KPNA1: variants seen among roughly 807,000 people sequenced by gnomAD.
The protein encoded by KPNA1 is karyopherin subunit alpha 1, also known as importin subunit alpha-5.
Under a neutral mutation model 70.5 loss-of-function variants are expected in KPNA1, and 10 were observed. The observed-to-expected ratio is 0.14, with a 90% CI of 0.09 to 0.24. The LOEUF is 0.24. Ranked by LOEUF, KPNA1 falls within the 10% of genes least tolerant of loss-of-function variation. The pLI, the probability that KPNA1 is intolerant of heterozygous loss-of-function variation, is 1.00. For missense variants in KPNA1, 397 were observed against 637.9 expected, an observed-to-expected ratio of 0.62 and a Z score of 4.07; for synonymous variants, 192 against 221.9, an observed-to-expected ratio of 0.87 and a Z score of 1.20.
chr3:122,454,707 A>C (rs182869521), intron 5 of KPNA1, among the ~76,000 whole-genome samples: 19 of 152,298 alleles, frequency 1.2e-4, no homozygotes, highest in East Asian at 9.6e-4. Context: ...TCAAAGAATA[A>C]GAGCTTCCAA....
intron 2 of KPNA1, among the ~76,000 whole-genome samples, chr3:122,468,550 T>C (rs2076406850): frequency 6.6e-6 from 1 of 152,144 alleles, no homozygotes; most frequent in Admixed American, 6.5e-5. Flanking sequence ...TGTCCAGCTA[T>C]CAAGAAAAAA....
intron 2 of KPNA1, among the ~76,000 whole-genome samples, chr3:122,480,938 A>C (rs1472680493): frequency 6.6e-6 from 1 of 152,188 alleles, no homozygotes; most frequent in African/African-American, 2.4e-5. Flanking sequence ...GCAGTGAACC[A>C]TAATGGCACC....
chr3:122,489,556 C>T (rs1399956757), intron 2 of KPNA1, among the ~76,000 whole-genome samples: 1 of 152,196 alleles, frequency 6.6e-6, no homozygotes, highest in African/African-American at 2.4e-5. Flanking sequence ...AGGTGTGAAC[C>T]ACCATGCCTG....
At chr3:122,463,828 T>A in intron 4 of KPNA1, 114 bp downstream of exon 4, 1 of 508,150 alleles carries the variant, frequency 2.0e-6, no homozygotes, top group Non-Finnish European at 3.5e-6. Context: ...GTATTTTTAT[T>A]CTTTTATTGA....
chr3:122,477,052 A>C (rs1189917894), intron 2 of KPNA1, among the ~76,000 whole-genome samples: 2 of 152,082 alleles, frequency 1.3e-5, no homozygotes, highest in African/African-American at 4.8e-5. Flanking sequence ...AGATGAATGG[A>C]GCAAAAAAGT....
At chr3:122,493,870 C>A (rs865942929) in intron 2 of KPNA1, among the ~76,000 whole-genome samples, 8 of 152,162 alleles carry the variant, frequency 5.3e-5, no homozygotes, top group Admixed American at 2.0e-4. Flanking sequence ...CAGGCATGAG[C>A]CACCCCGCCC....
At chr3:122,428,893 A>G (rs544892035) in intron 12 of KPNA1, among the ~76,000 whole-genome samples, 32 of 152,334 alleles carry the variant, frequency 2.1e-4, no homozygotes, top group African/African-American at 7.7e-4. Context: ...CACTTCCCCA[A>G]TACCAAAATT....
intron 2 of KPNA1, among the ~76,000 whole-genome samples, chr3:122,494,181 C>A (rs1168955526): frequency 6.6e-6 from 1 of 151,968 alleles, no homozygotes; most frequent in Non-Finnish European, 1.5e-5. Flanking sequence ...GGTTTTGTTT[C>A]CTTTTGAGGA....
intron 5 of KPNA1, among the ~76,000 whole-genome samples, chr3:122,459,195 G>C (rs961868148): frequency 2.6e-5 from 4 of 152,174 alleles, no homozygotes; most frequent in African/African-American, 9.7e-5. Flanking sequence ...GGCACTGTCG[G>C]AGAATGTACT....
intron 4 of KPNA1, among the ~76,000 whole-genome samples, chr3:122,461,943 C>A (rs561526150): frequency 3.3e-5 from 5 of 152,254 alleles, no homozygotes; most frequent in Middle Eastern, 3.4e-3. Flanking sequence ...AAGTTACTGA[C>A]AATATGCGTG....
intron 1 of KPNA1, 96 bp from the exon 2 acceptor site, chr3:122,496,666 A>G: frequency 4.4e-6 from 5 of 1,133,072 alleles, no homozygotes; most frequent in Non-Finnish European, 6.4e-6. Flanking sequence ...GCCCAGACAT[A>G]TCCCAAAGGG....
intron 3 of KPNA1, among the ~76,000 whole-genome samples, chr3:122,465,618 C>T (rs1440844668): frequency 6.6e-6 from 1 of 152,192 alleles, no homozygotes; most frequent in Non-Finnish European, 1.5e-5. Context: ...AAGTTGTAAT[C>T]TGGCTGGGTG....
chr3:122,501,325 A>C (rs543495969), intron 1 of KPNA1, among the ~76,000 whole-genome samples: 3 of 152,132 alleles, frequency 2.0e-5, no homozygotes, highest in African/African-American at 7.2e-5. Context: ...CACGCCCAGC[A>C]TCCTTTCTTC....
At chr3:122,457,313 A>G (rs768023755) in intron 5 of KPNA1, among the ~76,000 whole-genome samples, 5 of 152,156 alleles carry the variant, frequency 3.3e-5, no homozygotes, top group Non-Finnish European at 5.9e-5. Flanking sequence ...TGGCAAACAC[A>G]TATGCATAAA....
At chr3:122,437,135 A>G in intron 11 of KPNA1, 35 bp downstream of exon 11, 1 of 1,589,614 alleles carries the variant, frequency 6.3e-7, no homozygotes. Flanking sequence ...TTTCAATAAA[A>G]ATACTGAAAG....
intron 2 of KPNA1, among the ~76,000 whole-genome samples, chr3:122,493,393 C>T (rs1226625632): frequency 6.6e-6 from 1 of 150,464 alleles, no homozygotes; most frequent in Non-Finnish European, 1.5e-5. Context: ...CCAGCCATAT[C>T]TACAACAATG....
chr3:122,489,591 G>C (rs574986366), intron 2 of KPNA1, among the ~76,000 whole-genome samples: 5 of 152,028 alleles, frequency 3.3e-5, no homozygotes, highest in African/African-American at 1.2e-4. Flanking sequence ...TATCTTCCAT[G>C]TCTCTAACTT....
intron 10 of KPNA1, among the ~76,000 whole-genome samples, chr3:122,438,702 CAAT>C (rs2076023723): frequency 6.6e-6 from 1 of 152,028 alleles, no homozygotes; most frequent in African/African-American, 2.4e-5. Context: ...TTCTTTATAG[CAAT>C]GAAATAACAG....
chr3:122,464,044 G>A lies in KPNA1; in HGVS notation c.238-3C>T, dbSNP rs1576311993. 2.0e-6 allele frequency: 3 copies of A among 1,527,334 alleles called. No individual in the cohort carries two copies. The highest frequency in any genetic ancestry group is 2.7e-6 in the Non-Finnish European group (3 of 1,119,966). The allele number at this position is 1,527,334 out of a possible 1,614,324, so 94.6% of individuals were successfully genotyped here. On this transcript the variant is annotated splice_polypyrimidine_tract_variant and splice_region_variant and intron_variant, in intron 3 of 13. Coordinates refer to ENST00000344337, the MANE Select transcript of KPNA1 (RefSeq NM_002264.4). ...ATGTCAGAAGTGATGACACCACCCT[G>A]CGATCACAAACAAAAAGAACATATA...
Sources: allele counts gnomAD v4.1 joint callset (sites outside exome capture counted in the v4.1 genomes callset), GRCh38; gene constraint gnomAD v4.1.1; transcripts MANE v1.5; gene names NCBI Gene and HGNC (gene_info 2026-07-23, HGNC 2026-07-21).